The following LRBA variants were observed in gnomAD, a reference collection of about 807,000 sequenced individuals.
LRBA encodes the protein LPS responsive beige-like anchor protein.
A neutral mutation model predicts 330.0 loss-of-function variants in LRBA; 176 were observed. The observed-to-expected ratio is 0.53, with a 90% CI of 0.47 to 0.60. The LOEUF (loss-of-function observed/expected upper bound fraction) is 0.60, where lower values mean the gene tolerates loss of function less well. Among genes scored for constraint, LRBA ranks in the 20% least tolerant of loss-of-function variants. The probability of loss-of-function intolerance (pLI) is 0.00; values close to 1 mark genes in which losing one functional copy is unlikely to be tolerated. For missense variants in LRBA, 3,259 were observed against 3,444.8 expected (o/e 0.95, Z 1.35); for synonymous variants, 1,230 against 1,193.0 (o/e 1.03, Z -0.64).
intron 20 of LRBA, among the ~76,000 whole-genome samples, chr4:150,869,201 G>A (rs1325263321): frequency 6.6e-6 from 1 of 151,708 alleles, no homozygotes; most frequent in Non-Finnish European, 1.5e-5. Flanking sequence ...TTACAGGCAT[G>A]AGCCACCACG....
intron 37 of LRBA, among the ~76,000 whole-genome samples, chr4:150,648,309 A>AC (rs1779396793): frequency 6.6e-6 from 1 of 151,918 alleles, no homozygotes; most frequent in African/African-American, 2.4e-5. Flanking sequence ...AGCTCACAAG[A>AC]CCTCTGCCAG....
intron 17 of LRBA, among the ~76,000 whole-genome samples, chr4:150,882,619 A>T (rs1311668223): frequency 6.6e-6 from 1 of 152,230 alleles, no homozygotes; most frequent in Non-Finnish European, 1.5e-5. Flanking sequence ...GAATTGAAAT[A>T]TACTATGGTA....
chr4:150,694,504 A>G (rs1784452434), intron 36 of LRBA, among the ~76,000 whole-genome samples: 1 of 146,854 alleles, frequency 6.8e-6, no homozygotes, highest in South Asian at 2.2e-4. Flanking sequence ...AGAAAGACTC[A>G]TAGAAAAGAC....
intron 40 of LRBA, among the ~76,000 whole-genome samples, chr4:150,499,480 A>T (rs1759981170): frequency 6.6e-6 from 1 of 152,116 alleles, no homozygotes; most frequent in African/African-American, 2.4e-5. Context: ...CCATCTCTAC[A>T]AAAAATAAAA....
intron 2 of LRBA, among the ~76,000 whole-genome samples, chr4:150,979,838 C>T (rs1330939549): frequency 1.3e-5 from 2 of 152,134 alleles, no homozygotes; most frequent in African/African-American, 2.4e-5. Context: ...AATAAAGTGT[C>T]TCACAGTAAA....
At chr4:150,677,233 AAAC>A (rs932944501) in intron 37 of LRBA, among the ~76,000 whole-genome samples, 1 of 152,156 alleles carries the variant, frequency 6.6e-6, no homozygotes, top group Admixed American at 6.5e-5. Context: ...TCTACACACA[AAAC>A]AAAGAAATAG....
chr4:150,853,597 A>T (rs1459399880), intron 22 of LRBA, among the ~76,000 whole-genome samples: 9 of 152,154 alleles, frequency 5.9e-5, no homozygotes. Flanking sequence ...TATCTGAGTG[A>T]CTACAATATA....
intron 17 of LRBA, among the ~76,000 whole-genome samples, chr4:150,878,210 G>A (rs1001760604): frequency 6.6e-6 from 1 of 151,846 alleles, no homozygotes; most frequent in Non-Finnish European, 1.5e-5. Context: ...ATGATGGTGG[G>A]CACCTGTAAT....
At chr4:150,470,850 CA>C (rs1756021665) in intron 43 of LRBA, among the ~76,000 whole-genome samples, 1 of 111,792 alleles carries the variant, frequency 8.9e-6, no homozygotes, top group East Asian at 3.0e-4. Flanking sequence ...TACACACACA[CA>C]CACACACACA....
At chr4:150,308,220 AAC>A (rs1167662003) in intron 52 of LRBA, among the ~76,000 whole-genome samples, 2 of 152,224 alleles carry the variant, frequency 1.3e-5, no homozygotes, top group African/African-American at 4.8e-5. Context: ...TGAGCTTTAT[AAC>A]ACAACTTTTT....
chr4:150,290,514 T>G (rs1728141613), intron 53 of LRBA, among the ~76,000 whole-genome samples: 2 of 152,160 alleles, frequency 1.3e-5, no homozygotes, highest in South Asian at 4.1e-4. Flanking sequence ...TCAATAATGC[T>G]GAGAGAAAAA....
chr4:150,276,702 A>T (rs980220948), intron 56 of LRBA, among the ~76,000 whole-genome samples: 2 of 152,256 alleles, frequency 1.3e-5, no homozygotes, highest in Non-Finnish European at 2.9e-5. Context: ...CATTAGAGAA[A>T]TGCAAATCAA....
intron 48 of LRBA, among the ~76,000 whole-genome samples, chr4:150,345,822 T>G (rs987707115): frequency 6.6e-6 from 1 of 152,200 alleles, no homozygotes; most frequent in African/African-American, 2.4e-5. Flanking sequence ...ACCTTTTTTT[T>G]TGAGACAGGG....
intron 1 of LRBA, 107 bp downstream of exon 1, chr4:151,015,095 T>A (rs1745276701): frequency 6.4e-6 from 1 of 157,254 alleles, no homozygotes; most frequent in Non-Finnish European, 1.4e-5. Flanking sequence ...CAGGGTAACC[T>A]CTCCTCACAG....
intron 40 of LRBA, among the ~76,000 whole-genome samples, chr4:150,537,468 A>C (rs1343606266): frequency 1.3e-5 from 2 of 152,206 alleles, no homozygotes; most frequent in Non-Finnish European, 2.9e-5. Flanking sequence ...CAATGTCAAC[A>C]AAAAATGACA....
At chr4:150,861,238 A>T (rs1238742194) in intron 22 of LRBA, among the ~76,000 whole-genome samples, 1 of 151,454 alleles carries the variant, frequency 6.6e-6, no homozygotes, top group African/African-American at 2.4e-5. Flanking sequence ...GAGTAGCTAG[A>T]AATACAGGTG....
At chr4:150,839,425 GAC>G (rs937197995) in intron 28 of LRBA, among the ~76,000 whole-genome samples, 3 of 152,164 alleles carry the variant, frequency 2.0e-5, no homozygotes, top group African/African-American at 7.2e-5. Context: ...CTGCTATAAA[GAC>G]ACATGCACAC....
At chr4:150,693,309 A>T (rs1201050468) in intron 36 of LRBA, among the ~76,000 whole-genome samples, 1 of 152,120 alleles carries the variant, frequency 6.6e-6, no homozygotes, top group African/African-American at 2.4e-5. Flanking sequence ...CACGCCTGTA[A>T]TCCCAGCACT....
At chr4:150,684,755 C>T (rs1783381334) in intron 36 of LRBA, among the ~76,000 whole-genome samples, 1 of 152,142 alleles carries the variant, frequency 6.6e-6, no homozygotes, top group Non-Finnish European at 1.5e-5. Flanking sequence ...CACCCCCACA[C>T]ACATATCCTT....
Sources: allele counts gnomAD v4.1 joint callset (sites outside exome capture counted in the v4.1 genomes callset), GRCh38; gene constraint gnomAD v4.1.1; transcripts MANE v1.5; gene names NCBI Gene and HGNC (gene_info 2026-07-23, HGNC 2026-07-21).